KIZ: variants seen among roughly 807,000 people sequenced by gnomAD.
KIZ encodes the protein centrosomal protein kizuna.
Under a neutral mutation model 79.6 loss-of-function variants are expected in KIZ, and 68 were observed. The observed-to-expected ratio is 0.85, with a 90% CI of 0.70 to 1.05. The LOEUF is 1.05. Ranked by LOEUF, KIZ falls within the 50% of genes least tolerant of loss-of-function variation. The pLI, the probability that KIZ is intolerant of heterozygous loss-of-function variation, is 0.00. For missense variants in KIZ, 797 were observed against 800.4 expected (o/e 1.00, Z 0.05); for synonymous variants, 280 against 281.8 (o/e 0.99, Z 0.06).
intron 6 of KIZ, 97 bp downstream of exon 6, chr20:21,163,256 A>G (rs754007455): frequency 2.8e-5 from 23 of 809,732 alleles, no homozygotes; most frequent in Non-Finnish European, 4.2e-5. Flanking sequence ...GCACTCAGCC[A>G]TGAATGTGTA....
chr20:21,193,566 A>G (rs2123051600), intron 6 of KIZ, among the ~76,000 whole-genome samples: 1 of 152,220 alleles, frequency 6.6e-6, no homozygotes, highest in South Asian at 2.1e-4. Context: ...CTATGTTTAT[A>G]GCGGCACTAT....
Position 21,244,256 on chromosome 20 carries a change from AAAAG to A in KIZ, c.1896_1899del (p.Lys632AsnfsTer3), listed in dbSNP as rs1486431277. On this transcript the variant is annotated frameshift_variant, in exon 12 of 13. Transcript: ENST00000619189. LOFTEE classifies it high-confidence loss of function. Reference sequence around the variant, plus strand: ...TCTTTATTTTGCAGGCATGAAAACAAAAAGAAACCCGTGATCAATTTAAAATCTA... The same window carrying A: ...TCTTTATTTTGCAGGCATGAAAACAAAAACCCGTGATCAATTTAAAATCTA... 6 of 1,599,352 alleles carry A rather than the reference AAAAG, an allele frequency of 3.8e-6. No individual in the cohort carries two copies. Among genetic ancestry groups the A allele is most frequent in the African/African-American group, 1.3e-5 (1 of 74,716 alleles).
intron 3 of KIZ, among the ~76,000 whole-genome samples, chr20:21,141,819 A>T (rs906425461): frequency 3.5e-5 from 5 of 142,304 alleles, no homozygotes; most frequent in African/African-American, 1.1e-4. Flanking sequence ...ACACACACAC[A>T]CACACTCTCT....
chr20:21,175,698 A>C (rs2034403401), intron 6 of KIZ, among the ~76,000 whole-genome samples: 1 of 152,150 alleles, frequency 6.6e-6, no homozygotes, highest in South Asian at 2.1e-4. Flanking sequence ...AATGAACCAC[A>C]TGTCTCAGAC....
intron 4 of KIZ, among the ~76,000 whole-genome samples, chr20:21,146,549 T>G (rs2032858655): frequency 6.6e-6 from 1 of 152,242 alleles, no homozygotes; most frequent in South Asian, 2.1e-4. Context: ...ACTTTCAGGT[T>G]TGCCCTATAG....
chr20:21,228,969 A>G, intron 9 of KIZ, 42 bp from the exon 10 acceptor site: 1 of 1,094,150 alleles, frequency 9.1e-7, no homozygotes, highest in East Asian at 2.5e-5. Context: ...CTTTCTGGCC[A>G]GTAAAAAATG....
intron 4 of KIZ, among the ~76,000 whole-genome samples, chr20:21,150,573 G>A (rs2033070295): frequency 6.6e-6 from 1 of 152,166 alleles, no homozygotes; most frequent in Non-Finnish European, 1.5e-5. Context: ...TGTTCAGCTG[G>A]ACCTTTTTAT....
At chr20:21,139,441 C>T (rs1488323734) in intron 3 of KIZ, among the ~76,000 whole-genome samples, 1 of 152,014 alleles carries the variant, frequency 6.6e-6, no homozygotes, top group Non-Finnish European at 1.5e-5. Flanking sequence ...TTTTAGTATT[C>T]ATGAAAAATG....
Position 21,229,091 on chromosome 20 carries a change from G to A in KIZ, c.1759G>A (p.Asp587Asn), listed in dbSNP as rs1402694515. Reference protein sequence around the residue: ...NQTENRFQKTDASVSHLSGLN... With the variant: ...NQTENRFQKTNASVSHLSGLN... ...AACTGAAAACAGGTTTCAAAAGACA[G>A]ATGCTTCTGTGTCACACTTGTCAGG... The change falls in exon 10 of 13, where the codon GAT becomes AAT. Residue 587 changes from aspartate to asparagine, a missense_variant. By Grantham distance (23) the Asp-to-Asn change is conservative. Coordinates refer to ENST00000619189, the MANE Select transcript of KIZ (RefSeq NM_018474.6). The A allele has an allele frequency of 1.6e-5, 25 of 1,610,500 alleles. No individual in the cohort carries two copies. The Admixed American group carries it at 3.8e-4, about 25-fold the overall frequency.
At chr20:21,166,406 G>T (rs2033940726) in intron 6 of KIZ, 1 of 1,597,230 alleles carries the variant, frequency 6.3e-7, no homozygotes, top group South Asian at 1.1e-5. Flanking sequence ...TGCCTGTGAG[G>T]TTCACAACAA....
intron 6 of KIZ, among the ~76,000 whole-genome samples, chr20:21,203,801 A>T (rs1212486287): frequency 6.6e-6 from 1 of 151,498 alleles, no homozygotes; most frequent in Non-Finnish European, 1.5e-5. Flanking sequence ...ACTGTGGTTT[A>T]AAAAAAAACA....
At chr20:21,198,559 T>A (rs555565075) in intron 6 of KIZ, 4 of 152,398 alleles carry the variant, frequency 2.6e-5, no homozygotes, top group Admixed American at 2.0e-4. Flanking sequence ...ATGTGCCACT[T>A]AGGCTGTTTT....
Position 21,126,139 on chromosome 20 carries a change from C to A in KIZ, c.24C>A (p.Ala8=), listed in dbSNP as rs772937082. The A allele has an allele frequency of 1.3e-6, 2 of 1,515,138 alleles. No homozygotes were observed. Among genetic ancestry groups the A allele is most frequent in the Non-Finnish European group, 1.8e-6 (2 of 1,131,184 alleles). 93.9% of individuals were successfully genotyped at this position (1,515,138 alleles called of 1,614,324 possible). Residue 8 remains alanine (A), a synonymous_variant, in exon 1 of 13, where the codon GCC becomes GCA. Transcript: ENST00000619189. The part of the protein sequence containing the change: MSRTLAS[A]VPLSSPDYYE... ...GCATGAGCCGGACCCTCGCATCGGCCGTGCCCCTGTCGAGTCCCGACTACT... is the reference window on the plus strand; with the variant it reads ...GCATGAGCCGGACCCTCGCATCGGCAGTGCCCCTGTCGAGTCCCGACTACT...
At chr20:21,167,559 CTTTTTT>C (rs11445129) in intron 6 of KIZ, among the ~76,000 whole-genome samples, 1 of 111,796 alleles carries the variant, frequency 8.9e-6, no homozygotes, top group Non-Finnish European at 1.7e-5. Context: ...GTTTGTTTCG[CTTTTTT>C]TTTTTTTTTT....
At chr20:21,176,509 T>C (rs773238053) in intron 6 of KIZ, among the ~76,000 whole-genome samples, 6 of 151,154 alleles carry the variant, frequency 4.0e-5, no homozygotes, top group African/African-American at 1.5e-4. Context: ...CCTAAAGGAC[T>C]ATTTACCTAG....
At chr20:21,200,289 G>C (rs997853941) in intron 6 of KIZ, among the ~76,000 whole-genome samples, 2 of 152,072 alleles carry the variant, frequency 1.3e-5, no homozygotes, top group South Asian at 2.1e-4. Context: ...AACCTTTTTG[G>C]CACCAGGGAC....
intron 9 of KIZ, among the ~76,000 whole-genome samples, chr20:21,219,600 G>T (rs150863145): frequency 0.012 from 1,902 of 152,308 alleles, 29 homozygotes; most frequent in African/African-American, 0.044. Context: ...TTATAGGCAT[G>T]AGCCACCTTG....
At chr20:21,135,877 T>C (rs1406693637) in intron 2 of KIZ, among the ~76,000 whole-genome samples, 1 of 152,234 alleles carries the variant, frequency 6.6e-6, no homozygotes, top group Non-Finnish European at 1.5e-5. Context: ...TGAATTATAT[T>C]GTAGCAATTT....
chr20:21,155,832 T>C (rs193119832), intron 4 of KIZ, among the ~76,000 whole-genome samples: 4 of 152,368 alleles, frequency 2.6e-5, no homozygotes, highest in Middle Eastern at 3.4e-3. Context: ...CTTCCAACTT[T>C]TTATGATTTG....
Sources: gnomAD v4.1 joint callset for allele counts (sites outside exome capture counted in the v4.1 genomes callset) on GRCh38, gnomAD v4.1.1 for gene constraint, MANE v1.5 for transcripts, NCBI Gene and HGNC (gene_info 2026-07-23, HGNC 2026-07-21) for gene names.